Variants in GSE1 observed in about 807,000 individuals in gnomAD.
GSE1 encodes genetic suppressor element 1.
A neutral mutation model predicts 112.6 loss-of-function variants in GSE1; 32 were observed. The observed-to-expected ratio is 0.28, with a 90% CI of 0.21 to 0.38. The LOEUF (loss-of-function observed/expected upper bound fraction) is 0.38, where lower values mean the gene tolerates loss of function less well. Among genes scored for constraint, GSE1 ranks in the 10% least tolerant of loss-of-function variants. The pLI, the probability that GSE1 is intolerant of heterozygous loss-of-function variation, is 1.00. For synonymous variants in GSE1, 1,115 were observed against 735.6 expected, an observed-to-expected ratio of 1.52 and a Z score of -8.35; for missense variants, 2,348 against 1,699.2, an observed-to-expected ratio of 1.38 and a Z score of -6.71.
At chr16:85,631,444 G>A (rs1188318619) in intron 1 of GSE1, among the ~76,000 whole-genome samples, 2 of 152,228 alleles carry the variant, frequency 1.3e-5, no homozygotes, top group African/African-American at 2.4e-5. Flanking sequence ...CCCAGGGCAC[G>A]GGGCTTGTGG....
At chr16:85,229,867 C>G (rs1262406681) in intron 1 of GSE1, among the ~76,000 whole-genome samples, 1 of 152,218 alleles carries the variant, frequency 6.6e-6, no homozygotes, top group Non-Finnish European at 1.5e-5. Context: ...CGATAGCATC[C>G]AAAAGCAGGG....
At chr16:85,654,525 G>C (rs537419092) in intron 4 of GSE1, 75 bp downstream of exon 4, 9 of 1,303,970 alleles carry the variant, frequency 6.9e-6, no homozygotes, top group Non-Finnish European at 9.6e-6. Flanking sequence ...TCCCCAGGCA[G>C]CCTGCGGTCT....
intron 1 of GSE1, among the ~76,000 whole-genome samples, chr16:85,351,357 C>G (rs60371643): frequency 0.052 from 7,881 of 152,270 alleles, 647 homozygotes; most frequent in African/African-American, 0.17. Flanking sequence ...TACAACATGA[C>G]AAACCTGAAA....
rs940859396 is a variant in GSE1 at position 85,419,539 on chromosome 16, G to A, written c.2464+61896G>A. 1.3e-5 allele frequency among the ~76,000 whole-genome samples: 2 copies of A among 151,744 alleles called. No individual in the cohort carries two copies. Among genetic ancestry groups the A allele is most frequent in the African/African-American group, 4.8e-5 (2 of 41,260 alleles). ...GAGGATCGCCTGACCCTGGGAAATCGAGGCTGCAGTGAGCCATGACTGCAT... is the reference window on the plus strand; with the variant it reads ...GAGGATCGCCTGACCCTGGGAAATCAAGGCTGCAGTGAGCCATGACTGCAT... On this transcript the variant is annotated intron_variant, in intron 2 of 2. Transcript: ENST00000637419. This position sits in a 1 kb window ranked among gnomAD's most constrained non-coding sequence, Gnocchi z 6.5.
intron 2 of GSE1, among the ~76,000 whole-genome samples, chr16:85,515,437 G>A (rs929922489): frequency 6.6e-6 from 1 of 152,202 alleles, no homozygotes; most frequent in Non-Finnish European, 1.5e-5. Flanking sequence ...CTTTAGCTTC[G>A]GGGCCTGGGG....
At position 85,356,933 on chromosome 16, in the gene GSE1, C is replaced by CG. The variant is rs573521532; in HGVS notation, c.2284-525dup. On this transcript the variant is annotated intron_variant, in intron 1 of 2. Transcript: ENST00000637419. ...GCCCAGTCTGGAAGAGAGCATCCCC[C>CG]GGGGGTACTCAGATGAGGGCCTTTC... 1.4e-4 allele frequency among the ~76,000 whole-genome samples: 21 copies of CG among 152,318 alleles called. 1 individual carries two copies. In the South Asian group the frequency reaches 4.1e-3, roughly 30 times the overall value.
At chr16:85,571,126 G>T (rs2151328854) in intron 1 of GSE1, among the ~76,000 whole-genome samples, 1 of 152,302 alleles carries the variant, frequency 6.6e-6, no homozygotes, top group African/African-American at 2.4e-5. Flanking sequence ...GGATTCAGCG[G>T]GTCTGGGAGG....
At chr16:85,430,864 C>G (rs1038151688) in intron 2 of GSE1, among the ~76,000 whole-genome samples, 6 of 152,234 alleles carry the variant, frequency 3.9e-5, no homozygotes, top group African/African-American at 1.4e-4. Flanking sequence ...GGGCCCTGCC[C>G]CGGGGTCTCA....
intron 1 of GSE1, among the ~76,000 whole-genome samples, chr16:85,180,261 C>G (rs972919198): frequency 1.3e-5 from 2 of 152,264 alleles, no homozygotes; most frequent in East Asian, 3.8e-4. Flanking sequence ...CCCTGCCAAG[C>G]CAGGGCCCGG....
At chr16:85,203,062 C>T (rs1039585684) in intron 1 of GSE1, among the ~76,000 whole-genome samples, 27 of 151,834 alleles carry the variant, frequency 1.8e-4, no homozygotes, top group Admixed American at 1.6e-3. Flanking sequence ...CAGCTGGCCT[C>T]GGCGGTGGCA....
At chr16:85,548,641 C>T (rs568830682) in intron 2 of GSE1, among the ~76,000 whole-genome samples, 10 of 152,284 alleles carry the variant, frequency 6.6e-5, no homozygotes, top group Non-Finnish European at 1.3e-4. Flanking sequence ...TAGATTCCTT[C>T]GTCCGTGTTG....
intron 1 of GSE1, among the ~76,000 whole-genome samples, chr16:85,567,851 T>G (rs1373404427): frequency 6.6e-6 from 1 of 152,052 alleles, no homozygotes; most frequent in Non-Finnish European, 1.5e-5. Flanking sequence ...GCCTCCCAAG[T>G]AGCTGGGATC....
At chr16:85,261,133 G>A (rs775387060) in intron 1 of GSE1, among the ~76,000 whole-genome samples, 23 of 152,212 alleles carry the variant, frequency 1.5e-4, no homozygotes, top group Admixed American at 1.1e-3. Flanking sequence ...GGCCAAGGCT[G>A]CCCAGGGTCT....
intron 2 of GSE1, among the ~76,000 whole-genome samples, chr16:85,422,493 GGGA>G (rs1039867872): frequency 2.6e-5 from 4 of 152,046 alleles, no homozygotes; most frequent in Non-Finnish European, 5.9e-5. Context: ...GAGCAAGGAA[GGGA>G]GGAGGAGGAG....
intron 2 of GSE1, among the ~76,000 whole-genome samples, chr16:85,359,672 A>T (rs1226552388): frequency 6.6e-6 from 1 of 152,194 alleles, no homozygotes; most frequent in African/African-American, 2.4e-5. Context: ...TCAGTGAAAC[A>T]GTGTCCTGCA....
At chr16:85,487,051 G>C (rs1418341623) in intron 2 of GSE1, among the ~76,000 whole-genome samples, 1 of 152,092 alleles carries the variant, frequency 6.6e-6, no homozygotes, top group Non-Finnish European at 1.5e-5. Context: ...GGAGGCCTTG[G>C]GCCATGCTGG....
chr16:85,626,383 C>T (rs956406827), intron 1 of GSE1, among the ~76,000 whole-genome samples: 1 of 152,276 alleles, frequency 6.6e-6, no homozygotes, highest in Non-Finnish European at 1.5e-5. Context: ...GTGACCCGAC[C>T]TCGTTAGGGC....
At chr16:85,296,907 AGG>A (rs1454703827) in intron 1 of GSE1, among the ~76,000 whole-genome samples, 1 of 152,124 alleles carries the variant, frequency 6.6e-6, no homozygotes, top group Non-Finnish European at 1.5e-5. Context: ...GTCTGAACCC[AGG>A]GGGTCTGTCG....
At chr16:85,340,948 G>GA (rs2046612434) in intron 1 of GSE1, among the ~76,000 whole-genome samples, 1 of 152,248 alleles carries the variant, frequency 6.6e-6, no homozygotes, top group Non-Finnish European at 1.5e-5. Flanking sequence ...GGAAAATGAT[G>GA]ATGATAATGG....
Sources: allele counts gnomAD v4.1 joint callset (sites outside exome capture counted in the v4.1 genomes callset), GRCh38; gene constraint gnomAD v4.1.1; non-coding constraint Gnocchi (gnomAD v3.1); transcripts MANE v1.5; gene names NCBI Gene and HGNC (gene_info 2026-07-23, HGNC 2026-07-21).